The following OCRL variants were observed in gnomAD, a reference collection of about 807,000 sequenced individuals.
OCRL encodes the protein inositol polyphosphate 5-phosphatase OCRL.
OCRL carries 8 observed loss-of-function variants against 78.9 expected under a neutral mutation model. The ratio of observed to expected loss-of-function variants is 0.10; its 90% CI spans 0.06 to 0.18. The LOEUF (loss-of-function observed/expected upper bound fraction) is 0.18, where lower values mean the gene tolerates loss of function less well. Among genes scored for constraint, OCRL ranks in the 10% least tolerant of loss-of-function variants. The pLI is 1.00. For synonymous variants in OCRL, 240 were observed against 235.4 expected (o/e 1.02, Z -0.18); for missense variants, 454 against 696.7 (o/e 0.65, Z 3.92).
chrX:129,581,009 C>T (rs769785927), intron 18 of OCRL, among the ~76,000 whole-genome samples: 47 of 111,474 alleles, frequency 4.2e-4, no homozygotes, highest in Middle Eastern at 4.6e-3. Context: ...GGACTACAGG[C>T]GCGCGCCACC....
chrX:129,588,745 A>G, intron 21 of OCRL, 141 bp from the exon 22 acceptor site: 1 of 737,938 alleles, frequency 1.4e-6, no homozygotes, highest in East Asian at 3.2e-5. Context: ...AATCAATAAA[A>G]TATCAAACCC....
chrX:129,550,216 A>G (rs1019504756), intron 4 of OCRL, among the ~76,000 whole-genome samples: 1 of 112,442 alleles, frequency 8.9e-6, no homozygotes, highest in Non-Finnish European at 1.9e-5. Context: ...TCAAATTAAG[A>G]TTATTTTCCT....
At position 129,552,634 on chromosome X, in the gene OCRL, A is replaced by G. The variant is rs1308841595; in HGVS notation, c.238+4033A>G. ...GAGATGGGGTTTTGCCTTATTGGCC[A>G]GGCTGGTCTGGAACTCCTGACCTCA... On this transcript the variant is annotated intron_variant, in intron 4 of 23. Transcript: ENST00000371113. Among the ~76,000 whole-genome samples, 27 of 112,094 alleles carry G rather than the reference A, an allele frequency of 2.4e-4. No homozygotes were observed. The Admixed American group carries it at 2.4e-3, about 10-fold the overall frequency.
chrX:129,577,482 A>C (rs1214711681), intron 18 of OCRL, among the ~76,000 whole-genome samples: 1 of 111,871 alleles, frequency 8.9e-6, no homozygotes, highest in African/African-American at 3.3e-5. Flanking sequence ...TGGTTTTTTT[A>C]CCAAAGAAAA....
intron 18 of OCRL, 69 bp downstream of exon 18, chrX:129,576,621 T>C: frequency 1.2e-6 from 1 of 828,002 alleles, no homozygotes. Context: ...GACGTCCTCA[T>C]TATCTTTGTG....
At chrX:129,574,627 T>C (rs1000575705) in intron 15 of OCRL, among the ~76,000 whole-genome samples, 2 of 112,646 alleles carry the variant, frequency 1.8e-5, no homozygotes, top group African/African-American at 3.2e-5. Flanking sequence ...CACCAAGTTA[T>C]GATTGTTAGA....
chrX:129,551,517 C>T (rs1300542050), intron 4 of OCRL, among the ~76,000 whole-genome samples: 1 of 111,796 alleles, frequency 8.9e-6, no homozygotes, highest in Non-Finnish European at 1.9e-5. Flanking sequence ...TCACTGCAAG[C>T]TCCGCCTTCC....
chrX:129,565,868 C>G lies in OCRL; in HGVS notation c.1341C>G (p.Leu447=), dbSNP rs1032470537. 20 of 1,185,647 alleles carry G rather than the reference C, an allele frequency of 1.7e-5. No individual in the cohort carries two copies. The Admixed American group carries it at 2.2e-4, about 13-fold the overall frequency. Residue 447 remains leucine, a synonymous_variant, in exon 13 of 24, where the codon CTC becomes CTG. Transcript: ENST00000371113. ...TTAATAAGAAAGACCTTCAGAGACT[C>G]TTGAAATTCGACCAGGTAAGTAAAG... ...SLINKKDLQR[L]LKFDQLNIQR...
intron 3 of OCRL, among the ~76,000 whole-genome samples, chrX:129,547,628 C>T (rs1935906287): frequency 9.0e-6 from 1 of 110,726 alleles, no homozygotes; most frequent in East Asian, 2.8e-4. Flanking sequence ...ATATCTATGT[C>T]TTGATGCCCT....
intron 22 of OCRL, 184 bp downstream of exon 22, chrX:129,589,197 A>G: frequency 2.0e-6 from 1 of 498,294 alleles, no homozygotes; most frequent in South Asian, 2.8e-5. Flanking sequence ...TTCCTACGAT[A>G]TTTGCCACCT....
intron 4 of OCRL, among the ~76,000 whole-genome samples, chrX:129,554,874 C>T (rs995494769): frequency 9.2e-6 from 1 of 108,605 alleles, no homozygotes; most frequent in Non-Finnish European, 1.9e-5. Context: ...ATCACTTGAA[C>T]CCGGGAGGTG....
At chrX:129,560,170 C>T (rs1327605978) in intron 8 of OCRL, among the ~76,000 whole-genome samples, 2 of 111,897 alleles carry the variant, frequency 1.8e-5, no homozygotes, top group African/African-American at 6.5e-5. Context: ...AACTATAGCC[C>T]CTTATAGAAC....
intron 18 of OCRL, among the ~76,000 whole-genome samples, chrX:129,581,010 G>A (rs181051165): frequency 4.5e-5 from 5 of 111,439 alleles, no homozygotes; most frequent in African/African-American, 9.8e-5. Flanking sequence ...GACTACAGGC[G>A]CGCGCCACCA....
chrX:129,590,083 C>A, intron 23 of OCRL, 63 bp from the exon 24 acceptor site: 1 of 1,207,922 alleles, frequency 8.3e-7, no homozygotes, highest in South Asian at 1.8e-5. Context: ...GCCCTCCAGC[C>A]CTGAGGTTTT....
Position 129,588,133 on chromosome X carries a change from A to G in OCRL, c.2257-46A>G, listed in dbSNP as rs772529527. ...ATCCTTGGGTAATCATCATAACCTCAGGAGTGATTATCTTGCCTGTCCCTT... is the reference window on the plus strand; with the variant it reads ...ATCCTTGGGTAATCATCATAACCTCGGGAGTGATTATCTTGCCTGTCCCTT... On this transcript the variant is annotated intron_variant, in intron 20 of 23. Transcript: ENST00000371113. 7 of 923,757 alleles carry G rather than the reference A, an allele frequency of 7.6e-6. No individual in the cohort carries two copies. In the Admixed American group the frequency reaches 1.1e-4, roughly 14 times the overall value. The allele number at this position is 923,757 out of a possible 1,213,427, so 76.1% of individuals were successfully genotyped here.
At chrX:129,543,878 G>A (rs551068998) in intron 2 of OCRL, among the ~76,000 whole-genome samples, 2 of 112,305 alleles carry the variant, frequency 1.8e-5, no homozygotes, top group African/African-American at 6.5e-5. Context: ...AGTATTTGTT[G>A]AGCATCTATT....
Position 129,540,313 on chromosome X carries a change from C to T in OCRL, c.-127C>T. The stretch of plus-strand genomic sequence containing the variant: ...CTCCCCGCTCCCGGCTCCCGGCGCC[C>T]GGCGCCCGGCGCGGAGCTGTTCCTC... On this transcript the variant is annotated 5_prime_UTR_variant, in exon 1 of 24. Transcript: ENST00000371113. 3 of 777,372 alleles carry T rather than the reference C, an allele frequency of 3.9e-6. No individual in the cohort carries two copies. The highest frequency in any genetic ancestry group is 5.6e-6 in the Non-Finnish European group (3 of 534,294). The allele number at this position is 777,372 out of a possible 1,213,427, so 64.1% of individuals were successfully genotyped here. A position where few individuals can be genotyped will look rare whatever the true frequency, so the allele number is the denominator to read the frequency against.
At chrX:129,563,150 C>T in intron 12 of OCRL, among the ~76,000 whole-genome samples, 1 of 111,996 alleles carries the variant, frequency 8.9e-6, no homozygotes, top group East Asian at 2.8e-4. Flanking sequence ...CAGTCCCTCT[C>T]TCCAAAGGAA....
At position 129,557,340 on chromosome X, in the gene OCRL, G is replaced by A. The variant is rs1055113235; in HGVS notation, c.254G>A (p.Arg85Gln). The change falls in exon 5 of 24, where the codon CGG becomes CAG. Residue 85 changes from arginine to glutamine, a missense_variant. Transcript: ENST00000371113. ...DIASNSGCKI[R>Q]VQGDWIRERR... ...TTCTTTTTAGGTGGCTGCAAAATTC[G>A]GGTTCAGGGGGACTGGATCAGAGAG... 5.8e-6 allele frequency: 7 copies of A among 1,210,879 alleles called. No homozygotes were observed. Among genetic ancestry groups the A allele is most frequent in the Admixed American group, 4.3e-5 (2 of 45,995 alleles).
Sources: allele counts gnomAD v4.1 joint callset (sites outside exome capture counted in the v4.1 genomes callset), GRCh38; gene constraint gnomAD v4.1.1; transcripts MANE v1.5; gene names NCBI Gene and HGNC (gene_info 2026-07-23, HGNC 2026-07-21).